The following TUSC3 variants were observed in gnomAD, a reference collection of about 807,000 sequenced individuals.
TUSC3 encodes tumor suppressor candidate 3, also known as dolichyl-diphosphooligosaccharide--protein glycosyltransferase subunit TUSC3.
A neutral mutation model predicts 44.8 loss-of-function variants in TUSC3; 45 were observed. The ratio of observed to expected loss-of-function variants is 1.00; its 90% CI spans 0.79 to 1.29. The LOEUF is 1.29. Among genes scored for constraint, TUSC3 ranks in the 50% most tolerant of loss-of-function variants. The pLI is 0.00. For missense variants in TUSC3, 519 were observed against 437.9 expected (o/e 1.19, Z -1.65); for synonymous variants, 212 against 152.9 (o/e 1.39, Z -2.85).
intron 2 of TUSC3, among the ~76,000 whole-genome samples, chr8:15,647,829 C>A (rs1806700540): frequency 6.6e-6 from 1 of 152,094 alleles, no homozygotes; most frequent in African/African-American, 2.4e-5. Flanking sequence ...TGAAGGAATT[C>A]TTCTATTTGT....
chr8:15,815,002 TACAC>T, the TUSC3 span, among the ~76,000 whole-genome samples: 2 of 152,128 alleles, frequency 1.3e-5, no homozygotes, highest in African/African-American at 4.8e-5. Flanking sequence ...TGAAACAAGA[TACAC>T]ACAGACACAA....
At chr8:15,735,890 TG>T (rs754843080) in intron 7 of TUSC3, among the ~76,000 whole-genome samples, 4 of 35,594 alleles carry the variant, frequency 1.1e-4, no homozygotes, top group Admixed American at 3.4e-4. Context: ...TTTGTTTTTT[TG>T]GTTTTTTTTT....
At chr8:15,590,434 C>T (rs928268901) in intron 1 of TUSC3, among the ~76,000 whole-genome samples, 1 of 152,040 alleles carries the variant, frequency 6.6e-6, no homozygotes, top group Non-Finnish European at 1.5e-5. Context: ...TTTTCTTTCT[C>T]CTCCGGCTTC....
intron 2 of TUSC3, among the ~76,000 whole-genome samples, chr8:15,530,956 A>G (rs1000405773): frequency 6.6e-6 from 1 of 152,152 alleles, no homozygotes; most frequent in Non-Finnish European, 1.5e-5. Flanking sequence ...GTCACCCCAG[A>G]AAACACTGCT....
chr8:15,666,739 A>T (rs1807679415), intron 5 of TUSC3, among the ~76,000 whole-genome samples: 1 of 151,308 alleles, frequency 6.6e-6, no homozygotes, highest in South Asian at 2.1e-4. Context: ...TATTTTTTTC[A>T]ATGAAATAAT....
At chr8:15,574,387 A>G (rs1430420410) in intron 1 of TUSC3, among the ~76,000 whole-genome samples, 4 of 152,132 alleles carry the variant, frequency 2.6e-5, no homozygotes, top group Non-Finnish European at 4.4e-5. Context: ...ATTATATTTT[A>G]GTGGTCAACT....
intron 2 of TUSC3, among the ~76,000 whole-genome samples, chr8:15,521,535 G>A (rs140022910): frequency 6.6e-5 from 10 of 152,108 alleles, no homozygotes; most frequent in Non-Finnish European, 1.5e-4. Flanking sequence ...CCAATCTTTG[G>A]GCTTCCCCAT....
At chr8:15,608,965 G>C (rs1296488276) in intron 1 of TUSC3, among the ~76,000 whole-genome samples, 1 of 152,120 alleles carries the variant, frequency 6.6e-6, no homozygotes, top group Non-Finnish European at 1.5e-5. Flanking sequence ...AAGAAACTTG[G>C]TAGAATTAAA....
chr8:15,528,434 C>G (rs1234930448), intron 2 of TUSC3, among the ~76,000 whole-genome samples: 1 of 152,052 alleles, frequency 6.6e-6, no homozygotes, highest in African/African-American at 2.4e-5. Context: ...GAAAGGAAGC[C>G]AAGTAAGTTG....
chr8:15,841,882 C>T, the TUSC3 span, among the ~76,000 whole-genome samples: 1 of 152,282 alleles, frequency 6.6e-6, no homozygotes, highest in East Asian at 1.9e-4. Flanking sequence ...ATGAATTCAG[C>T]TTAAATACAA....
the TUSC3 span, among the ~76,000 whole-genome samples, chr8:15,823,276 G>T: frequency 6.6e-6 from 1 of 152,068 alleles, no homozygotes; most frequent in East Asian, 1.9e-4. Flanking sequence ...CTTTTCTGGT[G>T]AAGTCCAAAT....
rs896367069 is a variant in TUSC3 at position 15,765,781 on chromosome 8, C to G, written c.*1625C>G. ...GATGAACTTAATCATTTGATCACTG[C>G]CTATCACTAGGCAGAACTTGACCTG... On this transcript the variant is annotated 3_prime_UTR_variant, in exon 11 of 11. Coordinates refer to ENST00000503731, the MANE Select transcript of TUSC3 (RefSeq NM_006765.4). 5 of 151,970 alleles carry G rather than the reference C, an allele frequency of 3.3e-5. No homozygotes were observed. The highest frequency in any genetic ancestry group is 1.2e-4 in the African/African-American group (5 of 41,404). The allele number at this position is 151,970 out of a possible 1,614,324, so 9.4% of individuals were successfully genotyped here.
chr8:15,450,815 G>T (rs1489189061), intron 1 of TUSC3, among the ~76,000 whole-genome samples: 1 of 152,156 alleles, frequency 6.6e-6, no homozygotes, highest in Non-Finnish European at 1.5e-5. Context: ...CAGCAGAAAA[G>T]AAACTTATTA....
intron 1 of TUSC3, among the ~76,000 whole-genome samples, chr8:15,574,440 A>G (rs1228970532): frequency 6.6e-6 from 1 of 152,076 alleles, no homozygotes; most frequent in African/African-American, 2.4e-5. Context: ...GCTCTCATTT[A>G]TTCCCTAAAA....
At chr8:15,427,987 CT>C (rs1799826496) in intron 1 of TUSC3, among the ~76,000 whole-genome samples, 1 of 150,684 alleles carries the variant, frequency 6.6e-6, no homozygotes, top group African/African-American at 2.4e-5. Flanking sequence ...TATTATTATA[CT>C]TTTAAGTTTT....
chr8:15,637,481 C>A (rs2129170304), intron 2 of TUSC3, among the ~76,000 whole-genome samples: 1 of 152,066 alleles, frequency 6.6e-6, no homozygotes, highest in East Asian at 1.9e-4. Context: ...GATTTTCTGT[C>A]TTCAACTGCT....
At chr8:15,425,898 C>A (rs1799797680) in intron 1 of TUSC3, among the ~76,000 whole-genome samples, 1 of 152,154 alleles carries the variant, frequency 6.6e-6, no homozygotes, top group African/African-American at 2.4e-5. Context: ...TGCCTATAAT[C>A]TCAACACTTT....
intron 1 of TUSC3, among the ~76,000 whole-genome samples, chr8:15,551,531 A>C (rs1802060599): frequency 2.0e-5 from 3 of 151,748 alleles, no homozygotes; most frequent in African/African-American, 7.2e-5. Context: ...TTGACTGTCA[A>C]ATAGCAATTA....
intron 1 of TUSC3, among the ~76,000 whole-genome samples, chr8:15,457,926 A>G (rs1800282403): frequency 6.6e-6 from 1 of 150,572 alleles, no homozygotes; most frequent in African/African-American, 2.4e-5. Context: ...AATAATTAGT[A>G]CTCCAATGAT....
Sources: allele counts gnomAD v4.1 joint callset (sites outside exome capture counted in the v4.1 genomes callset), GRCh38; gene constraint gnomAD v4.1.1; transcripts MANE v1.5; gene names NCBI Gene and HGNC (gene_info 2026-07-23, HGNC 2026-07-21).